UTP20: variants seen among roughly 807,000 people sequenced by gnomAD.
UTP20 encodes small subunit processome component 20 homolog.
In UTP20, 164 loss-of-function variants were observed where a neutral mutation model predicts 329.5. The ratio of observed to expected loss-of-function variants is 0.50; its 90% CI spans 0.44 to 0.57. The LOEUF is 0.57. Ranked by LOEUF, UTP20 falls within the 20% of genes least tolerant of loss-of-function variation. UTP20 has a pLI of 0.00. For synonymous variants in UTP20, 1,151 were observed against 1,159.3 expected, an observed-to-expected ratio of 0.99 and a Z score of 0.14; for missense variants, 3,055 against 3,284.2, an observed-to-expected ratio of 0.93 and a Z score of 1.71.
chr12:101,365,950 G>C (rs1329121800), intron 46 of UTP20, among the ~76,000 whole-genome samples: 1 of 152,148 alleles, frequency 6.6e-6, no homozygotes, highest in Non-Finnish European at 1.5e-5. Flanking sequence ...TATCTTACAG[G>C]CTGGGCACAG....
At position 101,383,548 on chromosome 12, in the gene UTP20, A is replaced by G. The variant is rs140478307; in HGVS notation, c.7935A>G (p.Thr2645=). The G allele has an allele frequency of 4.6e-4, 739 of 1,612,574 alleles. No homozygotes were observed. The highest frequency in any genetic ancestry group is 6.0e-4 in the Non-Finnish European group (707 of 1,179,592). The change falls in exon 60 of 62, where the codon ACA becomes ACG. Residue 2645 remains threonine, a synonymous_variant. Transcript: ENST00000261637. The part of the protein sequence containing the change: ...AYSPRNPLKR[T]CIFKFLGAVA... Reference sequence around the variant, plus strand: ...AAAATGATCTGTACTTTCAGAGAACATGCATCTTTAAGTTCCTCGGCGCCG... The same window carrying G: ...AAAATGATCTGTACTTTCAGAGAACGTGCATCTTTAAGTTCCTCGGCGCCG...
In UTP20 at chr12:101,305,973, G is replaced by A; in HGVS notation, c.1840G>A (p.Ala614Thr). The A allele has an allele frequency of 6.2e-7, 1 of 1,613,980 alleles. No homozygotes were observed. The highest frequency in any genetic ancestry group is 8.5e-7 in the Non-Finnish European group (1 of 1,179,926). ...GACTGATCTCTATTATCAGAGATTA[G>A]CCTTGTGTGGCTGCAAAGGGCCACT... ...LLTDLYYQRL[A>T]LCGCKGPLSQ... Residue 614 changes from alanine to threonine, a missense_variant, in exon 16 of 62, where the codon GCC becomes ACC. By Grantham distance (58) the Ala-to-Thr change is moderately conservative (BLOSUM62 0). Transcript: ENST00000261637.
chr12:101,301,672 T>C (rs963258587), intron 14 of UTP20, among the ~76,000 whole-genome samples: 2 of 152,006 alleles, frequency 1.3e-5, no homozygotes, highest in African/African-American at 4.8e-5. Flanking sequence ...TGTCTCAAAA[T>C]AAATAAATAA....
intron 2 of UTP20, among the ~76,000 whole-genome samples, chr12:101,283,902 A>G (rs1238662699): frequency 6.6e-6 from 1 of 151,486 alleles, no homozygotes; most frequent in Non-Finnish European, 1.5e-5. Context: ...TTTAATTTTT[A>G]GTTTTTAATA....
intron 32 of UTP20, among the ~76,000 whole-genome samples, chr12:101,341,742 T>C (rs1869142004): frequency 6.6e-6 from 1 of 152,006 alleles, no homozygotes; most frequent in South Asian, 2.1e-4. Flanking sequence ...CTGTTTCTAC[T>C]AAAAATAAAA....
chr12:101,322,702 C>T lies in UTP20; in HGVS notation c.3041+1073C>T, dbSNP rs571759341. Among the ~76,000 whole-genome samples the T allele has an allele frequency of 1.3e-4, 20 of 152,318 alleles. 1 individual carries two copies. In the South Asian group the frequency reaches 4.1e-3, roughly 32 times the overall value. The stretch of plus-strand genomic sequence containing the variant: ...GAGCTGGTTCAGATATGCTCAGGGA[C>T]TCTGCTAGCACTTATCTAATGGCTC... On this transcript the variant is annotated intron_variant, in intron 25 of 61. Transcript: ENST00000261637.
At chr12:101,283,713 T>G (rs895590064) in intron 2 of UTP20, among the ~76,000 whole-genome samples, 1 of 152,226 alleles carries the variant, frequency 6.6e-6, no homozygotes, top group African/African-American at 2.4e-5. Context: ...AAAATTTTAA[T>G]ATTTTTACTT....
At chr12:101,359,545 G>A (rs1270871151) in intron 43 of UTP20, among the ~76,000 whole-genome samples, 1 of 151,398 alleles carries the variant, frequency 6.6e-6, no homozygotes, top group Non-Finnish European at 1.5e-5. Context: ...TGTTTAGGTT[G>A]GATAATTTCT....
chr12:101,344,092 GA>G lies in UTP20; in HGVS notation c.4450-497del, dbSNP rs145254693. 8.6e-3 allele frequency among the ~76,000 whole-genome samples: 1,302 copies of G among 152,218 alleles called. 17 individuals are homozygous for G. Among genetic ancestry groups the G allele is most frequent in the African/African-American group, 0.029 (1,219 of 41,526 alleles). ...TAATATTAAGGATTACGTAATATAT[GA>G]AAAAATAATCTCCCTGTTTTATACT... is the stretch of plus-strand genomic sequence containing the variant. On this transcript the variant is annotated intron_variant, in intron 35 of 61. Transcript: ENST00000261637.
At chr12:101,344,343 A>G (rs887105121) in intron 35 of UTP20, among the ~76,000 whole-genome samples, 11 of 152,212 alleles carry the variant, frequency 7.2e-5, no homozygotes, top group Non-Finnish European at 1.5e-4. Context: ...CTAATTAACA[A>G]GGACATTTCA....
intron 47 of UTP20, among the ~76,000 whole-genome samples, chr12:101,367,487 C>A (rs563279045): frequency 3.3e-5 from 5 of 152,232 alleles, no homozygotes; most frequent in African/African-American, 1.2e-4. Flanking sequence ...TACAAAGATT[C>A]CCACAGAACT....
At chr12:101,307,177 CAAA>C (rs1157893344) in intron 17 of UTP20, among the ~76,000 whole-genome samples, 1 of 71,732 alleles carries the variant, frequency 1.4e-5, no homozygotes. Flanking sequence ...GACTCCGTCT[CAAA>C]AAAAAAAAAA....
At chr12:101,305,796 C>A in intron 15 of UTP20, 119 bp from the exon 16 acceptor site, 1 of 1,216,522 alleles carries the variant, frequency 8.2e-7, no homozygotes, top group Non-Finnish European at 1.1e-6. Context: ...CCACGTGAGA[C>A]TTTTGCCTGT....
intron 43 of UTP20, among the ~76,000 whole-genome samples, 195 bp from the exon 44 acceptor site, chr12:101,361,767 C>T (rs1369347012): frequency 2.6e-5 from 4 of 152,112 alleles, no homozygotes; most frequent in Non-Finnish European, 4.4e-5. Context: ...GGTTTCTGAA[C>T]ACCTTTGGTA....
intron 18 of UTP20, among the ~76,000 whole-genome samples, chr12:101,309,473 G>A (rs1009090): frequency 0.53 from 81,119 of 152,068 alleles, 22,952 homozygotes; most frequent in East Asian, 0.94. Flanking sequence ...TTAGAAGGGA[G>A]TTTAATCATT....
At position 101,362,078 on chromosome 12, in the gene UTP20, G is replaced by A. The variant is rs753995813; in HGVS notation, c.5790+18G>A. 5 of 1,591,862 alleles carry A rather than the reference G, an allele frequency of 3.1e-6. No individual in the cohort carries two copies. Among genetic ancestry groups the A allele is most frequent in the African/African-American group, 1.4e-5 (1 of 73,816 alleles). On this transcript the variant is annotated intron_variant, in intron 44 of 61. Transcript: ENST00000261637. ...TGATTGAGGTAAGACTTACAGAAAC[G>A]AATTCTAATTTTTTTTTAAGTGGGC...
chr12:101,316,609 G>A (rs1872980083), intron 21 of UTP20, among the ~76,000 whole-genome samples: 2 of 152,144 alleles, frequency 1.3e-5, no homozygotes. Context: ...GTTTCTTTTA[G>A]GAGGGTTGGT....
At chr12:101,289,806 A>G (rs1020146912) in intron 6 of UTP20, 1 of 153,280 alleles carries the variant, frequency 6.5e-6, no homozygotes, top group African/African-American at 2.4e-5. Context: ...AAACATTAAT[A>G]TTAAATTTTT....
At chr12:101,339,313 A>AAAAATAAAAT (rs71438423) in intron 31 of UTP20, among the ~76,000 whole-genome samples, 1 of 151,594 alleles carries the variant, frequency 6.6e-6, no homozygotes, top group South Asian at 2.1e-4. Context: ...ACTCCATCTC[A>AAAAATAAAAT]AAAATAAAAT....
Sources: gnomAD v4.1 joint callset for allele counts (sites outside exome capture counted in the v4.1 genomes callset) on GRCh38, gnomAD v4.1.1 for gene constraint, MANE v1.5 for transcripts, NCBI Gene and HGNC (gene_info 2026-07-23, HGNC 2026-07-21) for gene names.